The following RNF212 variants were observed in gnomAD, a reference collection of about 807,000 sequenced individuals.
The protein encoded by RNF212 is ring finger protein 212.
RNF212 carries 33 observed loss-of-function variants against 34.7 expected under a neutral mutation model. The ratio of observed to expected loss-of-function variants is 0.95; its 90% CI spans 0.72 to 1.27. RNF212 has a LOEUF of 1.27. Among genes scored for constraint, RNF212 ranks in the 50% most tolerant of loss-of-function variants. RNF212 has a pLI of 0.00. For synonymous variants in RNF212, 140 were observed against 136.1 expected (o/e 1.03, Z -0.20); for missense variants, 377 against 362.2 (o/e 1.04, Z -0.33).
At chr4:1,094,090 A>G (rs1722662654) in intron 3 of RNF212, 1 of 1,439,768 alleles carries the variant, frequency 6.9e-7, no homozygotes, top group Non-Finnish European at 9.1e-7. Flanking sequence ...GGCTGACCAC[A>G]GCCTGAAGGC....
intron 2 of RNF212, among the ~76,000 whole-genome samples, chr4:1,097,237 G>A (rs1318638400): frequency 1.3e-5 from 2 of 152,218 alleles, no homozygotes. Context: ...TCACCACTAT[G>A]TAGTCACAAG....
chr4:1,098,951 C>G (rs1024150812), intron 2 of RNF212, among the ~76,000 whole-genome samples: 5 of 152,182 alleles, frequency 3.3e-5, no homozygotes, highest in East Asian at 1.9e-4. Context: ...TGTCACAGAT[C>G]GATCTGGTTC....
intron 7 of RNF212, 131 bp from the exon 8 acceptor site, chr4:1,079,819 G>A: frequency 1.4e-6 from 1 of 719,508 alleles, no homozygotes; most frequent in African/African-American, 1.7e-5. Flanking sequence ...TGCGGCCAGA[G>A]TTTAGCCACT....
At chr4:1,101,835 G>C (rs543472871) in intron 2 of RNF212, among the ~76,000 whole-genome samples, 1 of 152,220 alleles carries the variant, frequency 6.6e-6, no homozygotes, top group South Asian at 2.1e-4. Context: ...TACTTTCCTT[G>C]ACCTAAATGT....
rs375369624 is a variant in RNF212 at position 1,107,088 on chromosome 4, G to C, written c.171+1255C>G. 1.5e-4 allele frequency among the ~76,000 whole-genome samples: 22 copies of C among 151,016 alleles called. No individual in the cohort carries two copies. The East Asian group carries it at 4.1e-3, about 28-fold the overall frequency. On this transcript the variant is annotated intron_variant, in intron 2 of 9. Transcript: ENST00000433731. ...TTTTTTTTAGACTGAGTCTTGCTCT[G>C]TCGCCCAGGCTGGAGTGCAGTGGTG...
At chr4:1,092,309 G>C (rs894136972) in intron 3 of RNF212, among the ~76,000 whole-genome samples, 5 of 152,298 alleles carry the variant, frequency 3.3e-5, no homozygotes, top group Admixed American at 2.6e-4. Context: ...GCAAGGACTG[G>C]GCTGCAGGGA....
At position 1,099,445 on chromosome 4, in the gene RNF212, T is replaced by C. The variant is rs1219654665; in HGVS notation, c.172-2606A>G. ...AATCTAAGTGAGTATTAACTGTCCATGGCAGCACTGTATGGTGGGGCCTCC... is the reference window on the plus strand; with the variant it reads ...AATCTAAGTGAGTATTAACTGTCCACGGCAGCACTGTATGGTGGGGCCTCC... On this transcript the variant is annotated intron_variant, in intron 2 of 9. Transcript: ENST00000433731. Among the ~76,000 whole-genome samples the C allele has an allele frequency of 2.0e-5, 3 of 152,162 alleles. No individual in the cohort carries two copies. In the East Asian group the frequency reaches 5.8e-4, roughly 29 times the overall value.
chr4:1,076,197 C>T (rs919620376), intron 8 of RNF212, among the ~76,000 whole-genome samples: 4 of 152,180 alleles, frequency 2.6e-5, no homozygotes, highest in African/African-American at 7.2e-5. Flanking sequence ...GGCACCTTGT[C>T]CAGGAGGGTG....
downstream of RNF212, among the ~76,000 whole-genome samples, chr4:1,067,523 A>G (rs1238193551): frequency 6.6e-6 from 1 of 152,216 alleles, no homozygotes; most frequent in African/African-American, 2.4e-5. Context: ...CATGTGAACT[A>G]TAACCAATAT....
At chr4:1,107,551 C>T (rs966163119) in intron 2 of RNF212, among the ~76,000 whole-genome samples, 11 of 150,326 alleles carry the variant, frequency 7.3e-5, no homozygotes, top group African/African-American at 2.7e-4. Flanking sequence ...CCCGGGTTCA[C>T]GCATTCTCCT....
chr4:1,092,564 C>T (rs548967811), intron 3 of RNF212, among the ~76,000 whole-genome samples: 1 of 152,280 alleles, frequency 6.6e-6, no homozygotes, highest in South Asian at 2.1e-4. Flanking sequence ...TGGGTGTGGC[C>T]TCAGAAGAGG....
At chr4:1,060,391 C>T (rs1358169708) in intron 3 of RNF212, among the ~76,000 whole-genome samples, 1 of 152,160 alleles carries the variant, frequency 6.6e-6, no homozygotes, top group Non-Finnish European at 1.5e-5. Flanking sequence ...AGAGCAGTAA[C>T]TCGGAGAAAG....
chr4:1,089,961 A>G (rs1721922330), intron 4 of RNF212, among the ~76,000 whole-genome samples: 1 of 152,162 alleles, frequency 6.6e-6, no homozygotes, highest in Non-Finnish European at 1.5e-5. Flanking sequence ...CAGTATGAAG[A>G]CAGACTGATA....
intron 2 of RNF212, 30 bp from the exon 3 acceptor site, chr4:1,096,869 A>T: frequency 6.6e-7 from 1 of 1,507,864 alleles, no homozygotes; most frequent in Non-Finnish European, 9.2e-7. Context: ...CTCTACATTT[A>T]TTGTGTCTAA....
intron 3 of RNF212, among the ~76,000 whole-genome samples, chr4:1,092,693 G>A (rs1465106026): frequency 6.6e-6 from 1 of 152,250 alleles, no homozygotes; most frequent in Non-Finnish European, 1.5e-5. Context: ...AAACTCCAGG[G>A]CTGCGATGGT....
intron 3 of RNF212, chr4:1,093,798 G>A: frequency 2.0e-6 from 3 of 1,536,186 alleles, no homozygotes; most frequent in African/African-American, 1.4e-5. Flanking sequence ...AGCAGGGTGA[G>A]GGGGTGAGGT....
chr4:1,099,692 C>T lies in RNF212; in HGVS notation c.172-2853G>A, dbSNP rs560322358. 17 of 456,042 alleles carry T rather than the reference C, an allele frequency of 3.7e-5. No homozygotes were observed. The East Asian group carries it at 8.3e-4, about 22-fold the overall frequency. 28.2% of individuals were successfully genotyped at this position (456,042 alleles called of 1,614,324 possible). ...TGTGTGCGCCACAATGGTACAGTAA[C>T]GAGGATACATAGTTAAATCTCACAG... On this transcript the variant is annotated intron_variant, in intron 2 of 9. Transcript: ENST00000433731.
At chr4:1,085,857 T>C (rs534964140) in intron 5 of RNF212, 39 bp downstream of exon 5, 3 of 1,441,742 alleles carry the variant, frequency 2.1e-6, no homozygotes. Context: ...TGGCAGTGGG[T>C]GCCTCGACTG....
chr4:1,112,598 T>C (rs942048552), intron 1 of RNF212, among the ~76,000 whole-genome samples: 1 of 151,832 alleles, frequency 6.6e-6, no homozygotes, highest in Non-Finnish European at 1.5e-5. Flanking sequence ...GGTTGCCGCC[T>C]GCCCGCTTCT....
Sources: gnomAD v4.1 joint callset for allele counts (sites outside exome capture counted in the v4.1 genomes callset) on GRCh38, gnomAD v4.1.1 for gene constraint, MANE v1.5 for transcripts, NCBI Gene and HGNC (gene_info 2026-07-23, HGNC 2026-07-21) for gene names.